Variants in PPP1R3B observed in about 807,000 individuals in gnomAD.
PPP1R3B encodes protein phosphatase 1 regulatory subunit 3B, also known as PP1 subunit R4.
A neutral mutation model predicts 14.6 loss-of-function variants in PPP1R3B; 8 were observed. That is an observed-to-expected ratio of 0.55 (90% CI 0.32 to 0.99). The LOEUF (loss-of-function observed/expected upper bound fraction) is 0.99. Ranked by LOEUF, PPP1R3B falls within the 50% of genes least tolerant of loss-of-function variation. PPP1R3B has a pLI of 0.04. For synonymous variants in PPP1R3B, 169 were observed against 142.0 expected (o/e 1.19, Z -1.35); for missense variants, 452 against 360.1 (o/e 1.26, Z -2.07).
At chr8:9,143,894 CAAAA>C (rs1159211993) in intron 1 of PPP1R3B, among the ~76,000 whole-genome samples, 1 of 151,512 alleles carries the variant, frequency 6.6e-6, no homozygotes, top group African/African-American at 2.4e-5. Context: ...ATAAGTAAAA[CAAAA>C]AAAGACTACA....
chr8:9,148,701 G>T (rs1257933931), intron 1 of PPP1R3B, among the ~76,000 whole-genome samples: 1 of 151,916 alleles, frequency 6.6e-6, no homozygotes, highest in African/African-American at 2.4e-5. Context: ...CAAGACAGCT[G>T]GCCAAGGTTA....
chr8:9,146,328 G>A (rs529216496), intron 1 of PPP1R3B, among the ~76,000 whole-genome samples: 1 of 152,238 alleles, frequency 6.6e-6, no homozygotes, highest in East Asian at 1.9e-4. Flanking sequence ...TATGGCACAG[G>A]TGTAGGTGTG....
intron 1 of PPP1R3B, among the ~76,000 whole-genome samples, chr8:9,144,154 G>GA (rs1274137042): frequency 6.7e-6 from 1 of 149,364 alleles, no homozygotes; most frequent in Non-Finnish European, 1.5e-5. Flanking sequence ...ATTGAATTAG[G>GA]AAAAAAATTG....
intron 1 of PPP1R3B, among the ~76,000 whole-genome samples, chr8:9,143,803 A>G (rs1292147034): frequency 6.6e-6 from 1 of 152,224 alleles, no homozygotes; most frequent in Non-Finnish European, 1.5e-5. Context: ...TTGGCTCTAT[A>G]AGAATAAAAA....
At position 9,138,039 on chromosome 8, in the gene PPP1R3B, C is replaced by G. The variant is rs1389994091; in HGVS notation, c.*2755G>C. On this transcript the variant is annotated 3_prime_UTR_variant, in exon 2 of 2. Coordinates refer to ENST00000310455, the MANE Select transcript of PPP1R3B (RefSeq NM_024607.4). ...TTTATTAAACAGAGTCACTTCAGGCCTTTTTCTTATGAACAGAGTGATCCT... is the reference window on the plus strand; with the variant it reads ...TTTATTAAACAGAGTCACTTCAGGCGTTTTTCTTATGAACAGAGTGATCCT... The G allele has an allele frequency of 1.3e-5, 2 of 152,134 alleles. No individual in the cohort carries two copies. The highest frequency in any genetic ancestry group is 2.9e-5 in the Non-Finnish European group (2 of 68,028). 9.4% of individuals were successfully genotyped at this position (152,134 alleles called of 1,614,324 possible). A position where few individuals can be genotyped will look rare whatever the true frequency, so the allele number is the denominator to read the frequency against.
At chr8:9,148,482 T>TGG (rs1801308966) in intron 1 of PPP1R3B, among the ~76,000 whole-genome samples, 1 of 152,192 alleles carries the variant, frequency 6.6e-6, no homozygotes, top group Admixed American at 6.5e-5. Context: ...AATGAGTGTA[T>TGG]GAGTGCTGCT....
At chr8:9,145,620 C>A (rs367783702) in intron 1 of PPP1R3B, among the ~76,000 whole-genome samples, 3 of 152,080 alleles carry the variant, frequency 2.0e-5, no homozygotes, top group Admixed American at 2.0e-4. Flanking sequence ...GGGGGCTAGG[C>A]TCCCCTAGAC....
chr8:9,142,747 TAA>T (rs1801127561), intron 1 of PPP1R3B, among the ~76,000 whole-genome samples: 1 of 152,164 alleles, frequency 6.6e-6, no homozygotes, highest in Non-Finnish European at 1.5e-5. Flanking sequence ...ATTCCACATA[TAA>T]GTGAGATCAT....
At position 9,136,778 on chromosome 8, in the gene PPP1R3B, C is replaced by G. The variant is rs1228078234; in HGVS notation, c.*4016G>C. The G allele has an allele frequency of 6.6e-5, 10 of 152,190 alleles. No individual in the cohort carries two copies. The East Asian group carries it at 1.7e-3, about 26-fold the overall frequency. 9.4% of individuals were successfully genotyped at this position (152,190 alleles called of 1,614,324 possible). A position where few individuals can be genotyped will look rare whatever the true frequency, so the allele number is the denominator to read the frequency against. Reference sequence around the variant, plus strand: ...CATGTCAGGAGAGACGTGATCGGGACTCTCCCAGGACTACATTCAGGTGAG... The same window carrying G: ...CATGTCAGGAGAGACGTGATCGGGAGTCTCCCAGGACTACATTCAGGTGAG... On this transcript the variant is annotated 3_prime_UTR_variant, in exon 2 of 2. Transcript: ENST00000310455.
rs1027906336 is a variant in PPP1R3B at position 9,138,634 on chromosome 8, A to C, written c.*2160T>G. 1.3e-5 allele frequency: 2 copies of C among 152,220 alleles called. No homozygotes were observed. Among genetic ancestry groups the C allele is most frequent in the African/African-American group, 2.4e-5 (1 of 41,452 alleles). The allele number at this position is 152,220 out of a possible 1,614,324, so 9.4% of individuals were successfully genotyped here. On this transcript the variant is annotated 3_prime_UTR_variant, in exon 2 of 2. Coordinates refer to ENST00000310455, the MANE Select transcript of PPP1R3B (RefSeq NM_024607.4). ...AATTAATCTGGAAAATCCAAGCACAAGACTCTTAGCTTGAAAAGCCTGACA... is the reference window on the plus strand; with the variant it reads ...AATTAATCTGGAAAATCCAAGCACACGACTCTTAGCTTGAAAAGCCTGACA...
intron 1 of PPP1R3B, among the ~76,000 whole-genome samples, chr8:9,149,379 T>A (rs1391681373): frequency 6.6e-6 from 1 of 151,244 alleles, no homozygotes; most frequent in Non-Finnish European, 1.5e-5. Context: ...GGCGGGCGCC[T>A]GTAGTCCCAG....
In PPP1R3B at chr8:9,139,107, G is replaced by A. The variant is rs1025413158; in HGVS notation, c.*1687C>T. On this transcript the variant is annotated 3_prime_UTR_variant, in exon 2 of 2. Coordinates refer to ENST00000310455, the MANE Select transcript of PPP1R3B (RefSeq NM_024607.4). ...TAAATTTTGTATTTTTAGTACAGACGAGGTTTCACCATGTTGGCCAGGCTG... is the reference window on the plus strand; with the variant it reads ...TAAATTTTGTATTTTTAGTACAGACAAGGTTTCACCATGTTGGCCAGGCTG... The A allele has an allele frequency of 1.3e-5, 2 of 152,188 alleles. No homozygotes were observed. The highest frequency in any genetic ancestry group is 2.4e-5 in the African/African-American group (1 of 41,442). The allele number at this position is 152,188 out of a possible 1,614,324, so 9.4% of individuals were successfully genotyped here.
At chr8:9,149,124 C>T (rs1801333500) in intron 1 of PPP1R3B, among the ~76,000 whole-genome samples, 1 of 141,778 alleles carries the variant, frequency 7.1e-6, no homozygotes, top group South Asian at 2.3e-4. Flanking sequence ...ACCCGGGAGG[C>T]GGAGCTTGCA....
intron 1 of PPP1R3B, among the ~76,000 whole-genome samples, chr8:9,148,685 CCTT>C (rs1207433002): frequency 3.3e-5 from 5 of 152,290 alleles, no homozygotes; most frequent in East Asian, 3.9e-4. Flanking sequence ...TCATAACACA[CCTT>C]CTCAAGACAG....
At chr8:9,144,512 T>C (rs570547431) in intron 1 of PPP1R3B, among the ~76,000 whole-genome samples, 1 of 152,320 alleles carries the variant, frequency 6.6e-6, no homozygotes, top group East Asian at 1.9e-4. Context: ...ACATTTTCAT[T>C]AGTTAAAATT....
rs1385324861 is a variant in PPP1R3B, at chr8:9,136,597, C to A, written c.*4197G>T. Reference sequence around the variant, plus strand: ...AATGTGGGTTACAGAGCTTTACAACCATGACCAGGAAAAACTGCTCGTAAC... The same window carrying A: ...AATGTGGGTTACAGAGCTTTACAACAATGACCAGGAAAAACTGCTCGTAAC... On this transcript the variant is annotated 3_prime_UTR_variant, in exon 2 of 2. Transcript: ENST00000310455. 1.3e-5 allele frequency: 2 copies of A among 152,228 alleles called. No individual in the cohort carries two copies. Among genetic ancestry groups the A allele is most frequent in the East Asian group, 3.8e-4 (2 of 5,202 alleles). 9.4% of individuals were successfully genotyped at this position (152,228 alleles called of 1,614,324 possible). A position where few individuals can be genotyped will look rare whatever the true frequency, so the allele number is the denominator to read the frequency against.
intron 1 of PPP1R3B, 23 bp from the exon 2 acceptor site, chr8:9,141,691 G>A (rs1353506530): frequency 6.3e-7 from 1 of 1,590,918 alleles, no homozygotes; most frequent in South Asian, 1.1e-5. Flanking sequence ...AAAGGGAAGA[G>A]AAGAAAGAAA....
At chr8:9,145,052 G>A (rs1044040966) in intron 1 of PPP1R3B, among the ~76,000 whole-genome samples, 17 of 151,910 alleles carry the variant, frequency 1.1e-4, no homozygotes, top group African/African-American at 4.1e-4. Flanking sequence ...CAGCCCATGT[G>A]ATGTAATTTT....
chr8:9,140,973 C>T lies in PPP1R3B; in HGVS notation c.679G>A (p.Gly227Ser). 6.2e-7 allele frequency: 1 copy of T among 1,614,128 alleles called. No homozygotes were observed. The highest frequency in any genetic ancestry group is 2.2e-5 in the East Asian group (1 of 44,886). Residue 227 changes from glycine to serine, a missense_variant, in exon 2 of 2, where the codon GGC becomes AGC. By Grantham distance (56) the Gly-to-Ser change is moderately conservative (BLOSUM62 0). Coordinates refer to ENST00000310455, the MANE Select transcript of PPP1R3B (RefSeq NM_024607.4). ...GCCCGGATGATCCTATAGTTCTTGC[C>T]TCTGTTGCTGTCCCAGTACGTCTGT... Reference protein sequence around the residue: ...NGQTYWDSNRGKNYRIIRAEL... With the variant: ...NGQTYWDSNRSKNYRIIRAEL...
Sources: gnomAD v4.1 joint callset for allele counts (sites outside exome capture counted in the v4.1 genomes callset) on GRCh38, gnomAD v4.1.1 for gene constraint, MANE v1.5 for transcripts, NCBI Gene and HGNC (gene_info 2026-07-23, HGNC 2026-07-21) for gene names.